Variants in FARS2 observed in about 807,000 individuals in gnomAD.
FARS2 encodes phenylalanine--tRNA ligase, mitochondrial.
Under a neutral mutation model 46.4 loss-of-function variants are expected in FARS2, and 40 were observed. The ratio of observed to expected loss-of-function variants is 0.86; its 90% confidence interval spans 0.67 to 1.12. FARS2 has a LOEUF of 1.12. FARS2 is among the 50% of genes most tolerant of loss of function. The pLI, the probability that FARS2 is intolerant of heterozygous loss-of-function variation, is 0.00. For synonymous variants in FARS2, 234 were observed against 214.9 expected (o/e 1.09, Z -0.78); for missense variants, 513 against 567.9 (o/e 0.90, Z 0.98).
intron 1 of FARS2, among the ~76,000 whole-genome samples, chr6:5,306,217 C>T (rs1768691399): frequency 1.3e-5 from 2 of 152,110 alleles, no homozygotes; most frequent in Non-Finnish European, 2.9e-5. Context: ...TTTCCAGAAC[C>T]CCTCACCCCC....
rs571978838 is a variant in FARS2 at position 5,404,817 on chromosome 6, C to G, written c.772+116C>G. On this transcript the variant is annotated intron_variant, in intron 3 of 6. Transcript: ENST00000274680. ...TTTTGAAATTCTTTTTTTTTTTCCC[C>G]GAGACGGAGTCTTGCTCTGTCACCC... 6.9e-6 allele frequency: 5 copies of G among 726,896 alleles called. No individual in the cohort carries two copies. In the South Asian group the frequency reaches 1.5e-4, roughly 21 times the overall value. The allele number at this position is 726,896 out of a possible 1,614,324, so 45.0% of individuals were successfully genotyped here.
chr6:5,739,331 T>TAAAA (rs58579538), intron 6 of FARS2, among the ~76,000 whole-genome samples: 13 of 145,936 alleles, frequency 8.9e-5, no homozygotes, highest in African/African-American at 1.8e-4. Flanking sequence ...CCCCCGTCTC[T>TAAAA]AAAAAAAAAA....
chr6:5,595,831 T>C (rs902820145), intron 5 of FARS2, among the ~76,000 whole-genome samples: 1 of 152,156 alleles, frequency 6.6e-6, no homozygotes, highest in Non-Finnish European at 1.5e-5. Context: ...TCCCTCTTTT[T>C]GTAGATGGGA....
chr6:5,534,319 G>A (rs1770048049), intron 4 of FARS2, among the ~76,000 whole-genome samples: 1 of 152,128 alleles, frequency 6.6e-6, no homozygotes, highest in Non-Finnish European at 1.5e-5. Context: ...CATTTTAAGT[G>A]TACAATTCAG....
At chr6:5,346,847 T>C (rs1757266661) in intron 1 of FARS2, among the ~76,000 whole-genome samples, 1 of 152,136 alleles carries the variant, frequency 6.6e-6, no homozygotes, top group South Asian at 2.1e-4. Flanking sequence ...TATTTATAAT[T>C]CTTTTTTTAG....
At chr6:5,485,002 C>T (rs370396553) in intron 4 of FARS2, among the ~76,000 whole-genome samples, 74 of 152,162 alleles carry the variant, frequency 4.9e-4, no homozygotes, top group Non-Finnish European at 8.5e-4. Flanking sequence ...GAGGAGCCCT[C>T]CCTGGGCACT....
chr6:5,615,864 A>T (rs1021339551), intron 6 of FARS2, among the ~76,000 whole-genome samples: 2 of 152,050 alleles, frequency 1.3e-5, no homozygotes, highest in Non-Finnish European at 2.9e-5. Context: ...TTCTTTAAAC[A>T]TGACTCATCT....
chr6:5,587,143 C>G (rs572300027), intron 5 of FARS2, among the ~76,000 whole-genome samples: 1 of 152,284 alleles, frequency 6.6e-6, no homozygotes, highest in Admixed American at 6.5e-5. Context: ...TTCATTTAAC[C>G]TTTTTGGGCC....
chr6:5,639,980 A>G (rs1776730053), intron 6 of FARS2, among the ~76,000 whole-genome samples: 3 of 152,278 alleles, frequency 2.0e-5, no homozygotes, highest in South Asian at 4.1e-4. Flanking sequence ...TGGGTTTCGG[A>G]AAAACGTTTT....
intron 5 of FARS2, among the ~76,000 whole-genome samples, chr6:5,612,803 C>A (rs1775260485): frequency 6.6e-6 from 1 of 152,122 alleles, no homozygotes; most frequent in African/African-American, 2.4e-5. Flanking sequence ...CTGAAAGTAT[C>A]ACAAGAAGTT....
At chr6:5,726,238 C>T (rs1760247589) in intron 6 of FARS2, among the ~76,000 whole-genome samples, 1 of 151,932 alleles carries the variant, frequency 6.6e-6, no homozygotes. Flanking sequence ...TTACAATACA[C>T]GTGTGCATGT....
intron 3 of FARS2, among the ~76,000 whole-genome samples, chr6:5,424,137 G>A (rs1762716477): frequency 6.6e-6 from 1 of 152,144 alleles, no homozygotes; most frequent in African/African-American, 2.4e-5. Context: ...GGTCGAGCTG[G>A]TGTTCTTTTA....
In FARS2 at chr6:5,311,208, T is replaced by A. The variant is rs1291758687; in HGVS notation, c.-22+49548T>A. On this transcript the variant is annotated intron_variant, in intron 1 of 6. Coordinates refer to ENST00000274680, the MANE Select transcript of FARS2 (RefSeq NM_006567.5). The surrounding 1 kb of genome is among the most constrained non-coding windows in gnomAD (Gnocchi z 4.1). ...CTGTCAGAGAGGGAATTCCAGTGCA[T>A]TTTGTTATTAAGTAAAAAGCAAGAT... 1.8e-4 allele frequency among the ~76,000 whole-genome samples: 27 copies of A among 152,232 alleles called. 1 individual carries two copies. Among genetic ancestry groups the A allele is most frequent in the Admixed American group, 1.8e-3 (27 of 15,276 alleles).
intron 6 of FARS2, among the ~76,000 whole-genome samples, chr6:5,745,352 A>T (rs1298097134): frequency 6.6e-6 from 1 of 152,242 alleles, no homozygotes; most frequent in Non-Finnish European, 1.5e-5. Flanking sequence ...GACACACTTC[A>T]TTATGTGTGT....
chr6:5,438,239 ACC>A (rs1182394280), intron 4 of FARS2, among the ~76,000 whole-genome samples: 1 of 52,692 alleles, frequency 1.9e-5, no homozygotes, highest in Non-Finnish European at 3.3e-5. Context: ...GCTTCTACCC[ACC>A]CCCCGCCCCC....
chr6:5,262,135 A>T (rs1765194744), intron 1 of FARS2, among the ~76,000 whole-genome samples: 3 of 152,216 alleles, frequency 2.0e-5, no homozygotes, highest in Admixed American at 2.0e-4. Flanking sequence ...TATGCGTGAA[A>T]ACAAAACAAC....
chr6:5,626,237 C>G (rs1478950718), intron 6 of FARS2, among the ~76,000 whole-genome samples: 1 of 152,140 alleles, frequency 6.6e-6, no homozygotes, highest in Non-Finnish European at 1.5e-5. Flanking sequence ...AGTTCTCAGA[C>G]TCAGACATCC....
intron 6 of FARS2, among the ~76,000 whole-genome samples, chr6:5,739,348 G>T (rs1761168979): frequency 7.0e-6 from 1 of 142,438 alleles, no homozygotes; most frequent in Admixed American, 7.0e-5. Flanking sequence ...AAAAAAAATT[G>T]TAATTAAAAA....
intron 1 of FARS2, among the ~76,000 whole-genome samples, chr6:5,271,497 A>G (rs1561922287): frequency 6.7e-6 from 1 of 148,774 alleles, no homozygotes; most frequent in South Asian, 2.1e-4. Flanking sequence ...CCAGAGTTAT[A>G]TTTTTTTATT....
Sources: gnomAD v4.1 joint callset for allele counts (sites outside exome capture counted in the v4.1 genomes callset) on GRCh38, gnomAD v4.1.1 for gene constraint, Gnocchi (gnomAD v3.1) non-coding constraint, MANE v1.5 for transcripts, NCBI Gene and HGNC (gene_info 2026-07-23, HGNC 2026-07-21) for gene names.